Variants in NEDD9 observed in about 807,000 individuals in gnomAD.
NEDD9 encodes neural precursor cell expressed, developmentally down-regulated 9, also known as enhancer of filamentation 1.
In NEDD9, 26 loss-of-function variants were observed where a neutral mutation model predicts 76.6. The observed-to-expected ratio is 0.34, with a 90% confidence interval of 0.25 to 0.47. The LOEUF (loss-of-function observed/expected upper bound fraction) is 0.47. Ranked by LOEUF, NEDD9 falls within the 20% of genes least tolerant of loss-of-function variation. The pLI is 1.00. For synonymous variants in NEDD9, 392 were observed against 414.2 expected (o/e 0.95, Z 0.65); for missense variants, 937 against 1,058.5 (o/e 0.89, Z 1.59).
rs991747148 is a variant in NEDD9, at chr6:11,198,335, C to A, written c.460-4643G>T. On this transcript the variant is annotated intron_variant, in intron 2 of 6. Transcript: ENST00000379446. The surrounding 1 kb of genome is among the most constrained non-coding windows in gnomAD (Gnocchi z 4.7). ...CTTCTGAAGGCAGGGCCCCCAGGCT[C>A]TGCACCAACTCCCTCCCTCGGCGAG... is the stretch of plus-strand genomic sequence containing the variant. 1.3e-5 allele frequency: 2 copies of A among 152,248 alleles called. No homozygotes were observed. The highest frequency in any genetic ancestry group is 4.8e-5 in the African/African-American group (2 of 41,450). The allele number at this position is 152,248 out of a possible 1,614,324, so 9.4% of individuals were successfully genotyped here. A position where few individuals can be genotyped will look rare whatever the true frequency, so the allele number is the denominator to read the frequency against.
At chr6:11,330,347 C>T (rs547647033) in intron 2 of NEDD9, among the ~76,000 whole-genome samples, 5 of 152,110 alleles carry the variant, frequency 3.3e-5, no homozygotes, top group Non-Finnish European at 7.3e-5. Flanking sequence ...AGAGCTGTTG[C>T]TAATTTAATA....
At chr6:11,279,696 TC>T (rs1358682573) in intron 3 of NEDD9, among the ~76,000 whole-genome samples, 2 of 152,122 alleles carry the variant, frequency 1.3e-5, no homozygotes, top group East Asian at 1.9e-4. Context: ...GGCTCAGGGC[TC>T]CCCCTTGCAT....
chr6:11,335,495 C>T (rs112899094), intron 1 of NEDD9, among the ~76,000 whole-genome samples: 3,412 of 152,278 alleles, frequency 0.022, 145 homozygotes, highest in African/African-American at 0.078. Flanking sequence ...CACAACAACA[C>T]CCGACTGCAC....
Position 11,375,899 on chromosome 6 carries a change from A to G in NEDD9, c.-214+6240T>C, listed in dbSNP as rs573308770. On this transcript the variant is annotated intron_variant, in intron 1 of 3. Coordinates refer to the NEDD9 transcript ENST00000397378. ...GAGTGCAGTGGCGTGATCTCGGCTC[A>G]CTGCAAGCTCCGCCTCCCGGGTTCA... Among the ~76,000 whole-genome samples the G allele has an allele frequency of 2.0e-5, 3 of 152,054 alleles. No individual in the cohort carries two copies. In the South Asian group the frequency reaches 6.2e-4, roughly 32 times the overall value.
In NEDD9 at chr6:11,192,410, C is replaced by A. The variant is rs756547308; in HGVS notation, c.598G>T (p.Val200Leu). ...DIPPSSAKGPVFSVPVGEIKP... is the reference protein window; with the variant it reads ...DIPPSSAKGPLFSVPVGEIKP... ...ATCTCTCCCACTGGAACTGAAAACACAGGGCCTTTTGCTGATGAGGGAGGG... is the reference window on the plus strand; with the variant it reads ...ATCTCTCCCACTGGAACTGAAAACAAAGGGCCTTTTGCTGATGAGGGAGGG... Residue 200 changes from valine to leucine, a missense_variant, in exon 4 of 7, where the codon GTG (valine) becomes TTG (leucine). Val to Leu is a conservative substitution (Grantham distance 32, BLOSUM62 1). Transcript: ENST00000379446. 22 of 1,609,704 alleles carry A rather than the reference C, an allele frequency of 1.4e-5. No homozygotes were observed. In the South Asian group the frequency reaches 2.3e-4, roughly 17 times the overall value.
At chr6:11,365,582 C>A (rs1330358410) in intron 1 of NEDD9, among the ~76,000 whole-genome samples, 1 of 152,092 alleles carries the variant, frequency 6.6e-6, no homozygotes, top group African/African-American at 2.4e-5. Context: ...ATCAACAAGA[C>A]CAAATCCTTC....
At chr6:11,247,722 G>A (rs1759836676) in intron 3 of NEDD9, among the ~76,000 whole-genome samples, 1 of 152,154 alleles carries the variant, frequency 6.6e-6, no homozygotes, top group Non-Finnish European at 1.5e-5. Flanking sequence ...ACAAACACGA[G>A]ATTGGCTATT....
intron 1 of NEDD9, among the ~76,000 whole-genome samples, chr6:11,353,494 G>C (rs1204137553): frequency 6.6e-6 from 1 of 152,200 alleles, no homozygotes; most frequent in African/African-American, 2.4e-5. Flanking sequence ...GGCAAGGAAG[G>C]ATCCTCCCCT....
At chr6:11,249,011 T>C (rs1298576625) in intron 3 of NEDD9, 1 of 418,346 alleles carries the variant, frequency 2.4e-6, no homozygotes, top group Non-Finnish European at 4.8e-6. Flanking sequence ...CATATGCCAG[T>C]GACTCACCAG....
chr6:11,302,238 C>G (rs1367050128), intron 3 of NEDD9, among the ~76,000 whole-genome samples: 1 of 152,156 alleles, frequency 6.6e-6, no homozygotes, highest in African/African-American at 2.4e-5. Context: ...CTATAAACAC[C>G]TCTATGCAAA....
At chr6:11,270,838 G>A (rs1760291958) in intron 3 of NEDD9, among the ~76,000 whole-genome samples, 1 of 152,202 alleles carries the variant, frequency 6.6e-6, no homozygotes, top group Non-Finnish European at 1.5e-5. Context: ...AAAGAGAACT[G>A]CTTGAGGATT....
chr6:11,245,791 A>T (rs1759794962), intron 3 of NEDD9, among the ~76,000 whole-genome samples: 1 of 152,174 alleles, frequency 6.6e-6, no homozygotes, highest in Admixed American at 6.5e-5. Flanking sequence ...CTTGTACAAT[A>T]TATTTACCAC....
intron 2 of NEDD9, among the ~76,000 whole-genome samples, chr6:11,312,708 A>T (rs931935121): frequency 1.1e-4 from 16 of 146,010 alleles, no homozygotes; most frequent in South Asian, 2.1e-4. Context: ...ATATATATAT[A>T]TATTTTTAAA....
chr6:11,238,436 G>A (rs567421125), intron 3 of NEDD9, among the ~76,000 whole-genome samples: 9 of 152,322 alleles, frequency 5.9e-5, no homozygotes, highest in African/African-American at 1.4e-4. Context: ...CAATAAGGTC[G>A]AGTCTCCACC....
intron 3 of NEDD9, among the ~76,000 whole-genome samples, chr6:11,270,745 A>G (rs889029390): frequency 6.6e-6 from 1 of 152,200 alleles, no homozygotes; most frequent in African/African-American, 2.4e-5. Flanking sequence ...CCATGCAGAT[A>G]CCCTCATTAG....
intron 1 of NEDD9, among the ~76,000 whole-genome samples, chr6:11,219,070 T>C (rs1759066830): frequency 6.6e-6 from 1 of 152,198 alleles, no homozygotes; most frequent in Admixed American, 6.5e-5. Context: ...GGTTCTGCTG[T>C]TCCTGGTTCC....
intron 2 of NEDD9, among the ~76,000 whole-genome samples, chr6:11,202,698 T>C (rs1045476739): frequency 2.6e-5 from 4 of 152,322 alleles, no homozygotes; most frequent in African/African-American, 9.6e-5. Flanking sequence ...GAAAACTGAG[T>C]CTGGCCTTAA....
At chr6:11,317,533 G>A (rs1300250613) in intron 2 of NEDD9, among the ~76,000 whole-genome samples, 2 of 152,092 alleles carry the variant, frequency 1.3e-5, no homozygotes, top group Non-Finnish European at 2.9e-5. Context: ...AGGATGGTGC[G>A]TTATTACACA....
At chr6:11,192,932 CAAAA>C (rs71550759) in intron 3 of NEDD9, among the ~76,000 whole-genome samples, 4 of 28,152 alleles carry the variant, frequency 1.4e-4, no homozygotes, top group Admixed American at 5.6e-4. Context: ...GACTCTGTCT[CAAAA>C]AAAAAAAAAA....
Sources: gnomAD v4.1 joint callset for allele counts (sites outside exome capture counted in the v4.1 genomes callset) on GRCh38, gnomAD v4.1.1 for gene constraint, Gnocchi (gnomAD v3.1) non-coding constraint, MANE v1.5 for transcripts, NCBI Gene and HGNC (gene_info 2026-07-23, HGNC 2026-07-21) for gene names.